IL12RB1: variants seen among roughly 807,000 people sequenced by gnomAD.
IL12RB1 encodes interleukin 12 receptor subunit beta 1, also known as interleukin-12 receptor subunit beta-1.
Under a neutral mutation model 94.4 loss-of-function variants are expected in IL12RB1, and 64 were observed. That is an observed-to-expected ratio of 0.68 (90% CI 0.55 to 0.83). The LOEUF (loss-of-function observed/expected upper bound fraction) is 0.83, where lower values mean the gene tolerates loss of function less well. IL12RB1 is among the 40% of genes least tolerant of loss of function. The pLI is 0.00. For synonymous variants in IL12RB1, 362 were observed against 355.5 expected (o/e 1.02, Z -0.21); for missense variants, 814 against 855.6 (o/e 0.95, Z 0.61).
At chr19:18,062,819 G>T (rs2034247076) in intron 13 of IL12RB1, among the ~76,000 whole-genome samples, 1 of 151,934 alleles carries the variant, frequency 6.6e-6, no homozygotes, top group Non-Finnish European at 1.5e-5. Flanking sequence ...TGCACATAGG[G>T]CACATGTGGC....
rs752428310 is a variant in IL12RB1, at chr19:18,086,836, G to C, written c.-13C>G. ...CCAGCGGCTCCATCGGATCCACGTA[G>C]AGCCCCACAGCCCCAGGGGAGCCTC... On this transcript the variant is annotated 5_prime_UTR_variant, in exon 1 of 17. Transcript: ENST00000593993. 1.9e-5 allele frequency: 30 copies of C among 1,607,342 alleles called. No individual in the cohort carries two copies. In the South Asian group the frequency reaches 3.2e-4, roughly 17 times the overall value.
intron 5 of IL12RB1, 140 bp from the exon 6 acceptor site, chr19:18,076,467 A>G (rs561936902): frequency 1.0e-5 from 7 of 686,660 alleles, no homozygotes; most frequent in South Asian, 7.5e-5. Flanking sequence ...CAGTGGTGCA[A>G]TCATGGCTTA....
chr19:18,063,231 G>C lies in IL12RB1; in HGVS notation c.1618+645C>G, dbSNP rs56821042. Among the ~76,000 whole-genome samples, 63 of 151,052 alleles carry C rather than the reference G, an allele frequency of 4.2e-4. No individual in the cohort carries two copies. The South Asian group carries it at 0.013, about 31-fold the overall frequency. ...CCACCTCAGCCTCCTGAGCAGCTGA[G>C]ACTACAGGTGTGCACCACCACACCC... On this transcript the variant is annotated intron_variant, in intron 13 of 16. Coordinates refer to ENST00000593993, the MANE Select transcript of IL12RB1 (RefSeq NM_005535.3).
chr19:18,087,085 G>A, upstream of IL12RB1: 1 of 617,694 alleles, frequency 1.6e-6, no homozygotes, highest in African/African-American at 1.8e-5. Flanking sequence ...GAGCAAGTCA[G>A]GGTTCTAGGG....
intron 3 of IL12RB1, among the ~76,000 whole-genome samples, chr19:18,081,772 A>T (rs2035917093): frequency 6.6e-6 from 1 of 152,034 alleles, no homozygotes; most frequent in African/African-American, 2.4e-5. Context: ...GTGAGCTGAC[A>T]TCATGCCACT....
At chr19:18,085,116 A>G (rs895762895) in intron 1 of IL12RB1, among the ~76,000 whole-genome samples, 1 of 152,094 alleles carries the variant, frequency 6.6e-6, no homozygotes, top group Non-Finnish European at 1.5e-5. Flanking sequence ...ACTGGGTGAG[A>G]GAAGGAGGGG....
chr19:18,098,472 C>A (rs2146708271), intron 1 of IL12RB1, among the ~76,000 whole-genome samples: 1 of 152,156 alleles, frequency 6.6e-6, no homozygotes, highest in African/African-American at 2.4e-5. Context: ...CTCAGTTTTC[C>A]AATGAGCCAT....
In IL12RB1 at chr19:18,059,223, C is replaced by G. The variant is rs998215252; in HGVS notation, c.*385G>C. 4 of 305,728 alleles carry G rather than the reference C, an allele frequency of 1.3e-5. No individual in the cohort carries two copies. In the South Asian group the frequency reaches 1.4e-4, roughly 11 times the overall value. 18.9% of individuals were successfully genotyped at this position (305,728 alleles called of 1,614,324 possible). A position where few individuals can be genotyped will look rare whatever the true frequency, so the allele number is the denominator to read the frequency against. ...CCCTTCCCTATATGCCTGGATCCTC[C>G]AAGCTACAAGACCCCGCAATGCTGC... On this transcript the variant is annotated 3_prime_UTR_variant, in exon 17 of 17. Coordinates refer to ENST00000593993, the MANE Select transcript of IL12RB1 (RefSeq NM_005535.3).
At chr19:18,091,486 G>C (rs752528143), upstream of IL12RB1, 2 of 152,202 alleles carry the variant, frequency 1.3e-5, no homozygotes, top group Non-Finnish European at 2.9e-5. Context: ...CCTTCAGCCC[G>C]AGGAGGAGGG....
At chr19:18,085,992 G>T (rs892042311) in intron 1 of IL12RB1, among the ~76,000 whole-genome samples, 4 of 150,690 alleles carry the variant, frequency 2.7e-5, no homozygotes, top group African/African-American at 9.7e-5. Flanking sequence ...AAGGTGAGTG[G>T]ATCATTTGAG....
intron 1 of IL12RB1, among the ~76,000 whole-genome samples, chr19:18,086,418 T>C (rs1279070610): frequency 6.6e-6 from 1 of 152,148 alleles, no homozygotes; most frequent in East Asian, 1.9e-4. Context: ...ATACATTATA[T>C]TATGTATGTC....
Position 18,063,870 on chromosome 19 carries a change from A to C in IL12RB1, c.1618+6T>G, listed in dbSNP as rs1392297207. ...TAAATAACTGGGTCCTACCCCCTCC[A>C]CTCACCGATGCTGAAGCGCTGGGGC... On this transcript the variant is annotated splice_donor_region_variant and intron_variant, in intron 13 of 16. Coordinates refer to ENST00000593993, the MANE Select transcript of IL12RB1 (RefSeq NM_005535.3). 6.2e-7 allele frequency: 1 copy of C among 1,612,458 alleles called. No individual in the cohort carries two copies. The highest frequency in any genetic ancestry group is 8.5e-7 in the Non-Finnish European group (1 of 1,179,210).
chr19:18,065,339 A>T (rs1340896758), intron 12 of IL12RB1, among the ~76,000 whole-genome samples: 1 of 152,114 alleles, frequency 6.6e-6, no homozygotes, highest in Admixed American at 6.6e-5. Flanking sequence ...CTGCTGCTAC[A>T]TGTGAGGGGC....
At chr19:18,082,346 C>T in intron 2 of IL12RB1, 82 bp from the exon 3 acceptor site, 1 of 800,646 alleles carries the variant, frequency 1.2e-6, no homozygotes, top group Non-Finnish European at 2.2e-6. Flanking sequence ...GTGATGCTTA[C>T]ATCTTTCAGC....
At chr19:18,066,034 T>A (rs1404645489) in intron 12 of IL12RB1, among the ~76,000 whole-genome samples, 1 of 142,730 alleles carries the variant, frequency 7.0e-6, no homozygotes, top group Non-Finnish European at 1.5e-5. Context: ...TGAGTCCCTG[T>A]CTATAAAATT....
chr19:18,087,692 T>C (rs1417148445), upstream of IL12RB1, among the ~76,000 whole-genome samples: 1 of 144,510 alleles, frequency 6.9e-6, no homozygotes, highest in Non-Finnish European at 1.5e-5. Flanking sequence ...ATTTTTGCAT[T>C]TTTTTTTTTT....
chr19:18,062,056 G>T, intron 14 of IL12RB1, 125 bp downstream of exon 14: 1 of 671,436 alleles, frequency 1.5e-6, no homozygotes, highest in Non-Finnish European at 2.7e-6. Context: ...TTCTACCTCT[G>T]GCTTGCCCTT....
chr19:18,086,604 C>A (rs946293475), intron 1 of IL12RB1, among the ~76,000 whole-genome samples, 156 bp downstream of exon 1: 2 of 152,076 alleles, frequency 1.3e-5, no homozygotes, highest in African/African-American at 4.8e-5. Context: ...TAAGTTCGAT[C>A]CCAGAAGCCA....
At chr19:18,060,185 A>G in intron 15 of IL12RB1, 100 bp from the exon 16 acceptor site, 2 of 671,134 alleles carry the variant, frequency 3.0e-6, no homozygotes, top group Non-Finnish European at 5.3e-6. Context: ...ATTCTCTAAC[A>G]TCCTGAGACC....
Sources: gnomAD v4.1 joint callset for allele counts (sites outside exome capture counted in the v4.1 genomes callset) on GRCh38, gnomAD v4.1.1 for gene constraint, MANE v1.5 for transcripts, NCBI Gene and HGNC (gene_info 2026-07-23, HGNC 2026-07-21) for gene names.